Variants in DPYD observed in about 807,000 individuals in gnomAD.
The protein encoded by DPYD is dihydropyrimidine dehydrogenase.
DPYD carries 109 observed loss-of-function variants against 116.2 expected under a neutral mutation model. The ratio of observed to expected loss-of-function variants is 0.94; its 90% CI spans 0.80 to 1.10. The LOEUF is 1.10. Ranked by LOEUF, DPYD falls within the 50% of genes least tolerant of loss-of-function variation. The pLI is 0.00. For missense variants in DPYD, 1,302 were observed against 1,254.5 expected, an observed-to-expected ratio of 1.04 and a Z score of -0.57; for synonymous variants, 440 against 432.0, an observed-to-expected ratio of 1.02 and a Z score of -0.23.
intron 10 of DPYD, 44 bp downstream of exon 10, chr1:97,593,174 T>C (rs1236090579): frequency 6.3e-7 from 1 of 1,596,724 alleles, no homozygotes; most frequent in Non-Finnish European, 8.6e-7. Context: ...TCTCCTAAAA[T>C]CTGTTGGAGT....
chr1:97,195,634 G>GTGTATATA (rs1557929544), intron 19 of DPYD, among the ~76,000 whole-genome samples: 3 of 57,730 alleles, frequency 5.2e-5, no homozygotes, highest in African/African-American at 1.3e-4. Context: ...ATATGTATGT[G>GTGTATATA]TATATATATA....
chr1:97,260,966 G>A (rs993637180), intron 18 of DPYD, among the ~76,000 whole-genome samples: 3 of 152,076 alleles, frequency 2.0e-5, no homozygotes. Context: ...TCAAACTTCA[G>A]AAATGTTTTC....
intron 13 of DPYD, among the ~76,000 whole-genome samples, chr1:97,463,926 A>G (rs1243310060): frequency 2.0e-5 from 3 of 152,162 alleles, no homozygotes; most frequent in Admixed American, 6.5e-5. Context: ...AAAGAAAAAC[A>G]GAGCATAAAA....
At chr1:97,741,594 T>C (rs1156526219) in intron 3 of DPYD, among the ~76,000 whole-genome samples, 2 of 152,200 alleles carry the variant, frequency 1.3e-5, no homozygotes, top group Non-Finnish European at 1.5e-5. Context: ...TATTTGCACA[T>C]TAACTTATGT....
In DPYD at chr1:97,086,210, C is replaced by T. The variant is rs546986028; in HGVS notation, c.2767-3740G>A. 5.1e-4 allele frequency among the ~76,000 whole-genome samples: 78 copies of T among 152,232 alleles called. 1 individual carries two copies. The East Asian group carries it at 0.014, about 28-fold the overall frequency. On this transcript the variant is annotated intron_variant, in intron 21 of 22. Coordinates refer to ENST00000370192, the MANE Select transcript of DPYD (RefSeq NM_000110.4). ...CTGGGGCTACAGGCGCCCGCCACCA[C>T]GCCCGGCTAATTTTTGTATTTTTAG...
chr1:97,271,553 C>A (rs1664583745), intron 18 of DPYD, among the ~76,000 whole-genome samples: 1 of 152,116 alleles, frequency 6.6e-6, no homozygotes, highest in Admixed American at 6.6e-5. Flanking sequence ...AGAGAGATTG[C>A]TATTTTAAAT....
At chr1:97,461,289 C>T (rs1045436102) in intron 13 of DPYD, among the ~76,000 whole-genome samples, 2 of 152,048 alleles carry the variant, frequency 1.3e-5, no homozygotes, top group Admixed American at 6.6e-5. Context: ...GTGGGACTTC[C>T]GTATATATGA....
chr1:97,721,042 G>A (rs1433047660), intron 5 of DPYD: 5 of 1,393,526 alleles, frequency 3.6e-6, no homozygotes, highest in Middle Eastern at 2.5e-4. Context: ...CATTATTAAT[G>A]TGGTTAAATA....
chr1:97,376,887 G>GTGTGTGTGTGTGTGTGTATATATA lies in DPYD; in HGVS notation c.1975-3244_1975-3243insTATATATACACACACACACACACA. On this transcript the variant is annotated intron_variant, in intron 15 of 22. Transcript: ENST00000370192. ...AGTTTGTGTGTGTGTGTGTGTGTGT[G>GTGTGTGTGTGTGTGTGTATATATA]TATATATATATATATGGTGTGGACT... 3.6e-3 allele frequency among the ~76,000 whole-genome samples: 457 copies of GTGTGTGTGTGTGTGTGTATATATA among 128,412 alleles called. 3 individuals carry two copies. Among genetic ancestry groups the GTGTGTGTGTGTGTGTGTATATATA allele is most frequent in the African/African-American group, 0.012 (431 of 35,048 alleles). The allele number at this position is 128,412 out of a possible 152,430, so 84.2% of individuals were successfully genotyped here.
chr1:97,650,457 C>T (rs1427100148), intron 8 of DPYD, among the ~76,000 whole-genome samples: 1 of 152,110 alleles, frequency 6.6e-6, no homozygotes, highest in East Asian at 1.9e-4. Context: ...CTAAACCTTG[C>T]TCCAATTCAG....
chr1:97,396,668 A>C (rs920221707), intron 14 of DPYD, among the ~76,000 whole-genome samples: 5 of 151,976 alleles, frequency 3.3e-5, no homozygotes, highest in Non-Finnish European at 7.4e-5. Flanking sequence ...CTGGCTCCAA[A>C]TCACCTTGCT....
chr1:97,565,885 A>G (rs1652483219), intron 11 of DPYD, among the ~76,000 whole-genome samples: 2 of 152,224 alleles, frequency 1.3e-5, no homozygotes, highest in Admixed American at 6.5e-5. Context: ...ATACAAATGA[A>G]AAATTCAGAC....
Position 97,818,621 on chromosome 1 carries a change from A to G in DPYD, c.233+9493T>C, listed in dbSNP as rs143931442. Among the ~76,000 whole-genome samples the G allele has an allele frequency of 3.5e-3, 533 of 152,156 alleles. 5 individuals are homozygous for G. The highest frequency in any genetic ancestry group is 0.012 in the African/African-American group (509 of 41,566). On this transcript the variant is annotated intron_variant, in intron 3 of 22. Transcript: ENST00000370192. ...ATAATTGTTTTCTTCTATTTCCCCA[A>G]TTAAATTATATTTGGGCCATTTGAG...
At chr1:97,585,946 C>A (rs2102228645) in intron 10 of DPYD, 1 of 98,848 alleles carries the variant, frequency 1.0e-5, no homozygotes, top group Non-Finnish European at 2.2e-5. Flanking sequence ...GTTCACAGAA[C>A]AATTATGTCT....
At chr1:97,441,739 A>G (rs1193361725) in intron 14 of DPYD, among the ~76,000 whole-genome samples, 1 of 152,130 alleles carries the variant, frequency 6.6e-6, no homozygotes. Flanking sequence ...TTTTTATTGA[A>G]TGCTGGATAT....
At chr1:97,286,977 T>A (rs534255311) in intron 18 of DPYD, among the ~76,000 whole-genome samples, 1 of 152,240 alleles carries the variant, frequency 6.6e-6, no homozygotes, top group South Asian at 2.1e-4. Context: ...CTGCGTTCCA[T>A]TGGAGGAGGA....
intron 19 of DPYD, among the ~76,000 whole-genome samples, chr1:97,223,599 A>G (rs1660921139): frequency 6.6e-6 from 1 of 152,072 alleles, no homozygotes; most frequent in Non-Finnish European, 1.5e-5. Flanking sequence ...GTCATATAGT[A>G]TGTATATTTT....
intron 13 of DPYD, among the ~76,000 whole-genome samples, chr1:97,498,329 A>G (rs1469875050): frequency 3.3e-5 from 5 of 151,834 alleles, no homozygotes; most frequent in Non-Finnish European, 7.4e-5. Context: ...ATAAAAACAA[A>G]TAATTCTGGA....
intron 14 of DPYD, among the ~76,000 whole-genome samples, chr1:97,390,406 G>T (rs1232299004): frequency 1.3e-5 from 2 of 151,952 alleles, no homozygotes; most frequent in African/African-American, 4.8e-5. Context: ...TTTAAACAAA[G>T]AAAATAAGTT....
Sources: gnomAD v4.1 joint callset for allele counts (sites outside exome capture counted in the v4.1 genomes callset) on GRCh38, gnomAD v4.1.1 for gene constraint, MANE v1.5 for transcripts, NCBI Gene and HGNC (gene_info 2026-07-23, HGNC 2026-07-21) for gene names.